TBXAS1: variants seen among roughly 807,000 people sequenced by gnomAD.
The protein encoded by TBXAS1 is thromboxane-A synthase.
A neutral mutation model predicts 60.7 loss-of-function variants in TBXAS1; 48 were observed. The observed-to-expected ratio is 0.79, with a 90% CI of 0.63 to 1.01. The LOEUF is 1.01. Among genes scored for constraint, TBXAS1 ranks in the 50% least tolerant of loss-of-function variants. The pLI, the probability that TBXAS1 is intolerant of heterozygous loss-of-function variation, is 0.00. For synonymous variants in TBXAS1, 287 were observed against 269.7 expected (o/e 1.06, Z -0.63); for missense variants, 685 against 686.3 (o/e 1.00, Z 0.02).
intron 5 of TBXAS1, among the ~76,000 whole-genome samples, chr7:139,951,518 G>T (rs1216094130): frequency 7.0e-6 from 1 of 142,846 alleles, no homozygotes; most frequent in Non-Finnish European, 1.5e-5. Context: ...AGCACTTTGG[G>T]AGGCCAAAGT....
At chr7:139,835,145 C>A (rs1798976334) in intron 1 of TBXAS1, among the ~76,000 whole-genome samples, 1 of 150,960 alleles carries the variant, frequency 6.6e-6, no homozygotes. Context: ...CGGCTCACTG[C>A]AAGCTCTGCC....
At chr7:139,911,144 T>C (rs1805484679) in intron 3 of TBXAS1, 81 bp from the exon 4 acceptor site, 6 of 1,224,876 alleles carry the variant, frequency 4.9e-6, no homozygotes, top group Non-Finnish European at 7.3e-6. Flanking sequence ...TTATCCCTCA[T>C]TCTAAGCTAC....
chr7:139,931,979 C>A (rs1807362170), intron 4 of TBXAS1, among the ~76,000 whole-genome samples: 1 of 151,974 alleles, frequency 6.6e-6, no homozygotes, highest in African/African-American at 2.4e-5. Flanking sequence ...GATAGTAGCA[C>A]AACCATGTGA....
At chr7:139,826,966 T>C (rs1254438040), upstream of TBXAS1, among the ~76,000 whole-genome samples, 1 of 152,160 alleles carries the variant, frequency 6.6e-6, no homozygotes, top group Non-Finnish European at 1.5e-5. Flanking sequence ...TAGCTCAAGT[T>C]TGGAACCTGA....
At chr7:139,838,880 T>C (rs76160617) in intron 1 of TBXAS1, among the ~76,000 whole-genome samples, 4,502 of 152,266 alleles carry the variant, frequency 0.03, 101 homozygotes, top group Middle Eastern at 0.054. Context: ...TGGAAGTACA[T>C]GGAGCACATG....
chr7:139,824,789 A>G (rs1480271717), upstream of TBXAS1, among the ~76,000 whole-genome samples: 1 of 151,086 alleles, frequency 6.6e-6, no homozygotes, highest in Non-Finnish European at 1.5e-5. Flanking sequence ...ACAGTTGTGT[A>G]GAGTTGATTT....
chr7:139,820,301 T>G (rs1798262893), intron 4 of TBXAS1, among the ~76,000 whole-genome samples: 1 of 152,118 alleles, frequency 6.6e-6, no homozygotes, highest in Admixed American at 6.5e-5. Flanking sequence ...AGTGCTAACA[T>G]CTGACAAGCT....
chr7:139,931,743 T>C (rs1387869778), intron 4 of TBXAS1, among the ~76,000 whole-genome samples: 1 of 152,098 alleles, frequency 6.6e-6, no homozygotes, highest in Non-Finnish European at 1.5e-5. Context: ...GTGGGAATTG[T>C]GGGAGCTACA....
chr7:139,996,653 C>T (rs1267524395), intron 9 of TBXAS1, among the ~76,000 whole-genome samples: 1 of 152,200 alleles, frequency 6.6e-6, no homozygotes, highest in Non-Finnish European at 1.5e-5. Context: ...TTCCCTGACC[C>T]GTTAAATCCC....
chr7:139,963,905 T>C (rs1376157648), intron 9 of TBXAS1, among the ~76,000 whole-genome samples: 2 of 152,118 alleles, frequency 1.3e-5, no homozygotes, highest in South Asian at 2.1e-4. Flanking sequence ...TGTGCTCTCT[T>C]ATATTGGCCC....
At chr7:139,850,444 C>T (rs562460991) in intron 1 of TBXAS1, among the ~76,000 whole-genome samples, 2 of 152,352 alleles carry the variant, frequency 1.3e-5, no homozygotes, top group South Asian at 4.1e-4. Context: ...CATCTCACAT[C>T]CTCTGTGACC....
At chr7:139,847,678 A>AC (rs1799908783) in intron 1 of TBXAS1, among the ~76,000 whole-genome samples, 1 of 151,460 alleles carries the variant, frequency 6.6e-6, no homozygotes, top group Non-Finnish European at 1.5e-5. Flanking sequence ...CCTCCTATTT[A>AC]CCCCCGACCC....
intron 9 of TBXAS1, among the ~76,000 whole-genome samples, chr7:139,981,925 G>A (rs1812007571): frequency 6.6e-6 from 1 of 152,242 alleles, no homozygotes; most frequent in Non-Finnish European, 1.5e-5. Flanking sequence ...TGTGATGACA[G>A]ATAGTGAATA....
intron 3 of TBXAS1, among the ~76,000 whole-genome samples, chr7:139,892,413 A>T (rs187139717): frequency 2.0e-5 from 3 of 152,294 alleles, no homozygotes; most frequent in Non-Finnish European, 4.4e-5. Context: ...CAACATGGCG[A>T]AACCCCGTCT....
At chr7:139,932,212 C>T (rs1266408532) in intron 4 of TBXAS1, among the ~76,000 whole-genome samples, 1 of 147,074 alleles carries the variant, frequency 6.8e-6, no homozygotes, top group Non-Finnish European at 1.5e-5. Context: ...TTTTATGTTA[C>T]ATGTATTTTG....
At chr7:139,865,653 G>A (rs867464875) in intron 1 of TBXAS1, among the ~76,000 whole-genome samples, 252 of 91,362 alleles carry the variant, frequency 2.8e-3, no homozygotes, top group Middle Eastern at 5.6e-3. Context: ...AGGAGGAAGA[G>A]GAGGAGGAGG....
chr7:139,813,259 T>G (rs560022839), intron 4 of TBXAS1, among the ~76,000 whole-genome samples: 31 of 152,256 alleles, frequency 2.0e-4, no homozygotes, highest in African/African-American at 7.5e-4. Flanking sequence ...GTATTCGGCC[T>G]TTCAGAGACC....
intron 9 of TBXAS1, among the ~76,000 whole-genome samples, chr7:139,987,104 C>T (rs1031185646): frequency 1.3e-5 from 2 of 152,112 alleles, no homozygotes; most frequent in African/African-American, 4.8e-5. Flanking sequence ...CACAGAGTTT[C>T]TCGTGCTTGG....
intron 1 of TBXAS1, among the ~76,000 whole-genome samples, chr7:139,848,857 AC>A (rs1206073865): frequency 6.6e-6 from 1 of 152,174 alleles, no homozygotes; most frequent in Non-Finnish European, 1.5e-5. Context: ...GAATTTTGAT[AC>A]AGATGGGGCA....
Sources: gnomAD v4.1 joint callset for allele counts (sites outside exome capture counted in the v4.1 genomes callset) on GRCh38, gnomAD v4.1.1 for gene constraint, MANE v1.5 for transcripts, NCBI Gene and HGNC (gene_info 2026-07-23, HGNC 2026-07-21) for gene names.